Variants in DAB1 observed in about 807,000 individuals in gnomAD.
DAB1 encodes disabled homolog 1.
A neutral mutation model predicts 64.6 loss-of-function variants in DAB1; 15 were observed. That is an observed-to-expected ratio of 0.23 (90% CI 0.16 to 0.36). The LOEUF is 0.36. DAB1 is among the 10% of genes least tolerant of loss of function. The pLI is 1.00. For synonymous variants in DAB1, 235 were observed against 251.9 expected (o/e 0.93, Z 0.64); for missense variants, 596 against 706.7 (o/e 0.84, Z 1.78).
chr1:58,173,083 G>A lies in DAB1; in HGVS notation n.310-22495C>T, dbSNP rs578132070. ...CTGGGCAGATGCTGAGGCCAAAACC[G>A]CTGCCAGGCAGAACCTCCCATTAGA... On this transcript the variant is annotated intron_variant and non_coding_transcript_variant, in intron 4 of 20. Coordinates refer to the DAB1 transcript ENST00000485760. Among the ~76,000 whole-genome samples, 15 of 152,324 alleles carry A rather than the reference G, an allele frequency of 9.8e-5. 1 individual carries two copies. The South Asian group carries it at 1.7e-3, about 17-fold the overall frequency.
chr1:57,161,088 G>GA (rs1660701489), intron 2 of DAB1, among the ~76,000 whole-genome samples: 1 of 152,116 alleles, frequency 6.6e-6, no homozygotes, highest in Non-Finnish European at 1.5e-5. Flanking sequence ...GTGTCCTACA[G>GA]CAAATCTTTG....
At chr1:57,417,879 C>G (rs1034029575) in intron 1 of DAB1, among the ~76,000 whole-genome samples, 2 of 152,150 alleles carry the variant, frequency 1.3e-5, no homozygotes, top group Non-Finnish European at 2.9e-5. Flanking sequence ...CCATGAAGTC[C>G]TATCAGTCAG....
chr1:58,156,541 T>C (rs1206544849), intron 4 of DAB1, among the ~76,000 whole-genome samples: 4 of 152,222 alleles, frequency 2.6e-5, no homozygotes, highest in Non-Finnish European at 5.9e-5. Flanking sequence ...GAAGAGTTAA[T>C]GCACAATTTC....
chr1:57,934,089 G>A (rs1644991517), intron 5 of DAB1, among the ~76,000 whole-genome samples: 1 of 151,324 alleles, frequency 6.6e-6, no homozygotes, highest in Non-Finnish European at 1.5e-5. Flanking sequence ...GTGTGTGTGT[G>A]TGTGTGTGTG....
At chr1:58,441,282 C>T (rs373004268) in intron 3 of DAB1, among the ~76,000 whole-genome samples, 107 of 152,250 alleles carry the variant, frequency 7.0e-4, no homozygotes, top group African/African-American at 2.5e-3. Flanking sequence ...ACTTGCCCTC[C>T]GACCAACAGC....
chr1:58,459,860 C>A (rs1366502599), intron 3 of DAB1, among the ~76,000 whole-genome samples: 1 of 152,246 alleles, frequency 6.6e-6, no homozygotes, highest in African/African-American at 2.4e-5. Context: ...TGCCTGTAAT[C>A]CCAGCTACTC....
At chr1:57,748,696 C>A (rs1194544700) in intron 6 of DAB1, among the ~76,000 whole-genome samples, 4 of 152,094 alleles carry the variant, frequency 2.6e-5, no homozygotes, top group Admixed American at 1.3e-4. Context: ...GCCCCTACCA[C>A]CTTAGGGAGA....
intron 1 of DAB1, among the ~76,000 whole-genome samples, chr1:57,878,989 T>C (rs1644099140): frequency 6.6e-6 from 1 of 152,228 alleles, no homozygotes; most frequent in African/African-American, 2.4e-5. Flanking sequence ...TCCATTTTCC[T>C]GTGAATGACA....
At chr1:57,965,463 T>A (rs1343635) in intron 5 of DAB1, among the ~76,000 whole-genome samples, 1 of 151,852 alleles carries the variant, frequency 6.6e-6, no homozygotes, top group African/African-American at 2.4e-5. Flanking sequence ...GTTGATAGGA[T>A]CTGTGTCATA....
At chr1:57,948,414 A>C (rs1439025287) in intron 5 of DAB1, among the ~76,000 whole-genome samples, 2 of 152,228 alleles carry the variant, frequency 1.3e-5, no homozygotes, top group African/African-American at 4.8e-5. Flanking sequence ...TGTAATCATA[A>C]AAATGCAAGA....
chr1:57,616,471 AACACTCAAC>A (rs1645791390), intron 7 of DAB1, among the ~76,000 whole-genome samples: 1 of 152,178 alleles, frequency 6.6e-6, no homozygotes, highest in Non-Finnish European at 1.5e-5. Context: ...AAACATAGTA[AACACTCAAC>A]AGACAGTTGA....
At chr1:58,179,185 CTTGA>C (rs1417113681) in intron 4 of DAB1, among the ~76,000 whole-genome samples, 1 of 151,622 alleles carries the variant, frequency 6.6e-6, no homozygotes, top group Non-Finnish European at 1.5e-5. Flanking sequence ...ATAAATTTCA[CTTGA>C]TTGTGAAGTA....
chr1:57,395,317 C>T (rs1682717331), intron 1 of DAB1, among the ~76,000 whole-genome samples: 1 of 152,172 alleles, frequency 6.6e-6, no homozygotes, highest in Admixed American at 6.5e-5. Context: ...TGAGCCACTG[C>T]TCCCAGCCCT....
At chr1:58,142,792 C>T (rs1654361544) in intron 5 of DAB1, among the ~76,000 whole-genome samples, 3 of 152,246 alleles carry the variant, frequency 2.0e-5, no homozygotes, top group Admixed American at 2.0e-4. Context: ...GGTCACCACA[C>T]TGTGCATTAA....
At chr1:58,303,138 T>G (rs1045034150) in intron 4 of DAB1, among the ~76,000 whole-genome samples, 1 of 152,192 alleles carries the variant, frequency 6.6e-6, no homozygotes, top group African/African-American at 2.4e-5. Flanking sequence ...CCAGCTTTCA[T>G]CTGATGCCTT....
intron 2 of DAB1, among the ~76,000 whole-genome samples, chr1:57,259,555 T>C (rs1472629620): frequency 6.6e-6 from 1 of 152,104 alleles, no homozygotes; most frequent in African/African-American, 2.4e-5. Flanking sequence ...CAGCGCAGGT[T>C]CCAGAATATT....
At chr1:58,129,372 C>T (rs573663188) in intron 5 of DAB1, among the ~76,000 whole-genome samples, 1,884 of 141,498 alleles carry the variant, frequency 0.013, 33 homozygotes, top group South Asian at 0.08. Context: ...GTCTTGCTAG[C>T]GGTCTATCAA....
chr1:57,391,383 T>C (rs1384601870), intron 1 of DAB1, among the ~76,000 whole-genome samples: 2 of 152,170 alleles, frequency 1.3e-5, no homozygotes, highest in Admixed American at 1.3e-4. Context: ...CAGTTCCTTA[T>C]TATAGAATCC....
chr1:58,539,261 T>A, intron 1 of DAB1: 1 of 866,892 alleles, frequency 1.2e-6, no homozygotes, highest in Non-Finnish European at 2.0e-6. Flanking sequence ...ACATGGTTTC[T>A]AGCAGCAGAC....
Sources: gnomAD v4.1 joint callset for allele counts (sites outside exome capture counted in the v4.1 genomes callset) on GRCh38, gnomAD v4.1.1 for gene constraint, MANE v1.5 for transcripts, NCBI Gene and HGNC (gene_info 2026-07-23, HGNC 2026-07-21) for gene names.